Variants in ANKRD45 observed in about 807,000 individuals in gnomAD.
ANKRD45 encodes the protein ankyrin repeat domain-containing protein 45.
A neutral mutation model predicts 28.1 loss-of-function variants in ANKRD45; 21 were observed. The ratio of observed to expected loss-of-function variants is 0.75; its 90% CI spans 0.53 to 1.08. ANKRD45 has a LOEUF of 1.08. Ranked by LOEUF, ANKRD45 falls within the 50% of genes least tolerant of loss-of-function variation. The probability of loss-of-function intolerance (pLI) is 0.00; values close to 1 mark genes in which losing one functional copy is unlikely to be tolerated. For missense variants in ANKRD45, 261 were observed against 308.7 expected, an observed-to-expected ratio of 0.85 and a Z score of 1.16; for synonymous variants, 86 against 103.9, an observed-to-expected ratio of 0.83 and a Z score of 1.05.
chr1:173,690,072 C>CCCT, the ANKRD45 span, among the ~76,000 whole-genome samples: 1 of 112,392 alleles, frequency 8.9e-6, no homozygotes, highest in Non-Finnish European at 2.0e-5. Flanking sequence ...GCCCCCCCCC[C>CCCT]CCCCGACCTC....
upstream of ANKRD45, among the ~76,000 whole-genome samples, chr1:173,671,356 C>T (rs907015776): frequency 2.6e-5 from 4 of 152,128 alleles, no homozygotes; most frequent in African/African-American, 9.7e-5. Context: ...CAAGGATACA[C>T]ATTAAGAGTC....
the ANKRD45 span, among the ~76,000 whole-genome samples, chr1:173,699,280 C>A: frequency 6.6e-6 from 1 of 152,110 alleles, no homozygotes; most frequent in African/African-American, 2.4e-5. Flanking sequence ...TGAAACTATT[C>A]CAATCAATAG....
chr1:173,667,641 G>A, intron 1 of ANKRD45: 1 of 350,656 alleles, frequency 2.9e-6, no homozygotes, highest in Admixed American at 4.0e-5. Context: ...AGGAGGCAGA[G>A]GTTGCAGTGA....
chr1:173,672,386 A>G (rs1670286001), upstream of ANKRD45, among the ~76,000 whole-genome samples: 1 of 152,086 alleles, frequency 6.6e-6, no homozygotes, highest in Non-Finnish European at 1.5e-5. Flanking sequence ...TTAACATGCT[A>G]TTTTTCATAG....
intron 4 of ANKRD45, 51 bp downstream of exon 4, chr1:173,627,014 A>G: frequency 7.4e-7 from 1 of 1,359,692 alleles, no homozygotes; most frequent in Non-Finnish European, 1.0e-6. Context: ...TTAAAATGTA[A>G]GACAAAATTC....
At chr1:173,613,353 A>G (rs376742011) in intron 5 of ANKRD45, among the ~76,000 whole-genome samples, 13 of 147,768 alleles carry the variant, frequency 8.8e-5, no homozygotes, top group South Asian at 4.4e-4. Context: ...CCCTCCGCCC[A>G]GCAGCCGCCC....
the ANKRD45 span, among the ~76,000 whole-genome samples, chr1:173,699,191 ACC>A: frequency 6.6e-6 from 1 of 152,206 alleles, no homozygotes; most frequent in Admixed American, 6.5e-5. Context: ...TAGCCTACCA[ACC>A]AAAAAAAGTC....
At chr1:173,710,336 G>A in the ANKRD45 span, among the ~76,000 whole-genome samples, 3 of 152,204 alleles carry the variant, frequency 2.0e-5, no homozygotes, top group Non-Finnish European at 4.4e-5. Flanking sequence ...AAGAGATGGA[G>A]GCAAGTTTTA....
chr1:173,668,157 A>C (rs566432381), intron 1 of ANKRD45, among the ~76,000 whole-genome samples: 5 of 152,238 alleles, frequency 3.3e-5, no homozygotes, highest in Non-Finnish European at 5.9e-5. Context: ...ATTTCTTAAG[A>C]GTAAAATGGA....
At chr1:173,693,117 T>C in the ANKRD45 span, among the ~76,000 whole-genome samples, 4 of 152,220 alleles carry the variant, frequency 2.6e-5, no homozygotes, top group South Asian at 8.3e-4. Flanking sequence ...TGGCCAACAA[T>C]GGTGAAACTC....
chr1:173,669,028 C>T (rs1670139039), intron 1 of ANKRD45, among the ~76,000 whole-genome samples: 1 of 152,178 alleles, frequency 6.6e-6, no homozygotes, highest in Non-Finnish European at 1.5e-5. Context: ...TGATTGCTTT[C>T]GAGCCACCCA....
intron 1 of ANKRD45, among the ~76,000 whole-genome samples, chr1:173,660,996 A>C (rs2102391352): frequency 6.6e-6 from 1 of 152,308 alleles, no homozygotes; most frequent in South Asian, 2.1e-4. Context: ...GACACAGAAC[A>C]ATATAAATGA....
At chr1:173,635,643 A>T (rs1397498702) in intron 3 of ANKRD45, 1 of 1,535,690 alleles carries the variant, frequency 6.5e-7, no homozygotes, top group Non-Finnish European at 8.7e-7. Flanking sequence ...CTTCCAGAAG[A>T]AGTACATTAT....
chr1:173,688,401 TC>T, the ANKRD45 span, among the ~76,000 whole-genome samples: 1 of 138,360 alleles, frequency 7.2e-6, no homozygotes, highest in African/African-American at 3.3e-5. Flanking sequence ...TCTTCCTCTC[TC>T]TGCCTCTTCC....
chr1:173,639,524 T>C (rs1469315848), intron 3 of ANKRD45, among the ~76,000 whole-genome samples: 1 of 152,222 alleles, frequency 6.6e-6, no homozygotes, highest in Non-Finnish European at 1.5e-5. Context: ...GGAGATGTTA[T>C]CCAAACCTCT....
At chr1:173,620,109 T>C (rs1050692085) in intron 5 of ANKRD45, among the ~76,000 whole-genome samples, 1 of 152,218 alleles carries the variant, frequency 6.6e-6, no homozygotes, top group African/African-American at 2.4e-5. Flanking sequence ...GCACACTTGA[T>C]AGATATCTAC....
At chr1:173,682,684 T>TACACACACACACACACACACACACAC in the ANKRD45 span, among the ~76,000 whole-genome samples, 23 of 144,034 alleles carry the variant, frequency 1.6e-4, no homozygotes, top group African/African-American at 5.7e-4. Context: ...GCCTTTTAAA[T>TACACACACACACACACACACACACAC]ACACACACAC....
chr1:173,637,114 T>C, intron 3 of ANKRD45: 1 of 1,102,978 alleles, frequency 9.1e-7, no homozygotes, highest in South Asian at 1.6e-5. Flanking sequence ...TTAAAAATTG[T>C]TCTTTGGAAA....
intron 2 of ANKRD45, among the ~76,000 whole-genome samples, chr1:173,653,922 C>CTTTTTTTT (rs1185149394): frequency 2.0e-5 from 2 of 100,338 alleles, no homozygotes; most frequent in African/African-American, 4.0e-5. Context: ...GCAACCCTTG[C>CTTTTTTTT]TTTTTTTTTT....
Sources: gnomAD v4.1 joint callset for allele counts (sites outside exome capture counted in the v4.1 genomes callset) on GRCh38, gnomAD v4.1.1 for gene constraint, MANE v1.5 for transcripts, NCBI Gene and HGNC (gene_info 2026-07-23, HGNC 2026-07-21) for gene names.